Variants in MAP2K3 observed in about 807,000 individuals in gnomAD.
MAP2K3 encodes mitogen-activated protein kinase kinase 3, also known as dual specificity mitogen-activated protein kinase kinase 3.
A neutral mutation model predicts 46.4 loss-of-function variants in MAP2K3; 30 were observed. That is an observed-to-expected ratio of 0.65 (90% CI 0.48 to 0.88). MAP2K3 has a LOEUF of 0.88. Among genes scored for constraint, MAP2K3 ranks in the 40% least tolerant of loss-of-function variants. MAP2K3 has a pLI of 0.00. For missense variants in MAP2K3, 380 were observed against 464.5 expected (o/e 0.82, Z 1.67); for synonymous variants, 189 against 176.3 (o/e 1.07, Z -0.57).
chr17:21,293,367 C>T (rs1468825569), intron 1 of MAP2K3, among the ~76,000 whole-genome samples: 1 of 152,310 alleles, frequency 6.6e-6, no homozygotes, highest in African/African-American at 2.4e-5. Flanking sequence ...ACGTCCTTCC[C>T]TCCAAAGCAC....
chr17:21,294,217 T>TCCTAGC (rs3035504), intron 1 of MAP2K3, among the ~76,000 whole-genome samples: 3 of 152,424 alleles, frequency 2.0e-5, no homozygotes, highest in Non-Finnish European at 2.9e-5. Flanking sequence ...CTCTTGCTGC[T>TCCTAGC]CACATCTCCC....
At chr17:21,300,839 C>T (rs755434893) in intron 4 of MAP2K3, 35 bp from the exon 5 acceptor site, 1 of 1,613,774 alleles carries the variant, frequency 6.2e-7, no homozygotes, top group Non-Finnish European at 8.5e-7. Context: ...TGGCCTCTGC[C>T]ACGGCAACCT....
rs1238755999 is a variant in MAP2K3, at chr17:21,295,968, G to C, written c.50-2445G>C. 103 of 1,258,598 alleles carry C rather than the reference G, an allele frequency of 8.2e-5. No homozygotes were observed. The East Asian group carries it at 5.4e-3, about 66-fold the overall frequency. 78.0% of individuals were successfully genotyped at this position (1,258,598 alleles called of 1,614,324 possible). A position where few individuals can be genotyped will look rare whatever the true frequency, so the allele number is the denominator to read the frequency against. ...GGTCAAGGCCCAGGGTCTCTGTGCA[G>C]AGCTTTAATTTTTAACAGAAAATAT... is the stretch of plus-strand genomic sequence containing the variant. On this transcript the variant is annotated intron_variant, in intron 1 of 11. Coordinates refer to ENST00000342679, the MANE Select transcript of MAP2K3 (RefSeq NM_145109.3).
At chr17:21,297,244 G>A (rs111852531) in intron 1 of MAP2K3, among the ~76,000 whole-genome samples, 314 of 152,302 alleles carry the variant, frequency 2.1e-3, no homozygotes, top group Non-Finnish European at 3.2e-3. Context: ...ATCTGAACCT[G>A]GCTTGGAGGC....
chr17:21,296,812 A>G (rs537711819), intron 1 of MAP2K3, among the ~76,000 whole-genome samples: 889 of 152,012 alleles, frequency 5.8e-3, no homozygotes, highest in African/African-American at 0.021. Context: ...TTAAAATGAG[A>G]TAAAAACGCT....
intron 1 of MAP2K3, chr17:21,291,805 G>T (rs1483690547): frequency 5.6e-6 from 2 of 357,694 alleles, no homozygotes; most frequent in Non-Finnish European, 1.1e-5. Flanking sequence ...GGCCTGGTGG[G>T]ATAGTGACCT....
chr17:21,300,674 A>T lies in MAP2K3; in HGVS notation c.279+16A>T. ...GGCCGTGAAGGTGAGCAGGGCCTGG[A>T]GGCAGCTGGGAGGGCTCCCTGGAGG... On this transcript the variant is annotated intron_variant, in intron 4 of 11. Coordinates refer to ENST00000342679, the MANE Select transcript of MAP2K3 (RefSeq NM_145109.3). The T allele has an allele frequency of 1.9e-6, 3 of 1,603,582 alleles. No homozygotes were observed. The highest frequency in any genetic ancestry group is 2.6e-6 in the Non-Finnish European group (3 of 1,174,698).
In MAP2K3 at chr17:21,284,941, C is replaced by G. The variant is rs764298409; in HGVS notation, c.21C>G (p.Ser7Arg). The G allele has an allele frequency of 3.1e-6, 5 of 1,612,208 alleles. No individual in the cohort carries two copies. Among genetic ancestry groups the G allele is most frequent in the Middle Eastern group, 1.7e-4 (1 of 6,060 alleles). The change falls in exon 1 of 12, where the codon AGC becomes AGG. Residue 7 changes from serine to arginine, a missense_variant. Around this residue, in one of 5 missense-constraint regions of MAP2K3, gnomAD observed 294 missense variants for 275.4 expected, o/e 1.07. Coordinates refer to ENST00000342679, the MANE Select transcript of MAP2K3 (RefSeq NM_145109.3). ...GCAGCATGGAGTCGCCCGCCTCGAG[C>G]CAGCCCGCCAGCATGCCCCAGTCCA... The part of the protein sequence containing the change: MESPAS[S>R]QPASMPQSKG...
intron 9 of MAP2K3, among the ~76,000 whole-genome samples, chr17:21,306,550 A>G (rs1400726894): frequency 6.6e-6 from 1 of 152,280 alleles, no homozygotes; most frequent in Non-Finnish European, 1.5e-5. Context: ...GCAGTGGCAC[A>G]ATCTTAGCTC....
chr17:21,295,332 G>A (rs1019019111), intron 1 of MAP2K3, among the ~76,000 whole-genome samples: 6 of 152,308 alleles, frequency 3.9e-5, no homozygotes, highest in Non-Finnish European at 8.8e-5. Context: ...CTGAATTCTG[G>A]TCAGTTTCAG....
chr17:21,298,367 T>TCC (rs1976384809), intron 1 of MAP2K3, 46 bp from the exon 2 acceptor site: 1 of 1,613,212 alleles, frequency 6.2e-7, no homozygotes, highest in South Asian at 1.1e-5. Context: ...CAGGGGACAT[T>TCC]GATGTCAAGG....
chr17:21,291,117 G>T (rs939306949), intron 1 of MAP2K3, among the ~76,000 whole-genome samples: 3 of 152,308 alleles, frequency 2.0e-5, no homozygotes, highest in Admixed American at 1.3e-4. Context: ...GGTGGCAGGT[G>T]TCTGTAGTCC....
chr17:21,303,667 G>A (rs1976730010), intron 7 of MAP2K3, among the ~76,000 whole-genome samples: 1 of 152,312 alleles, frequency 6.6e-6, no homozygotes, highest in Admixed American at 6.5e-5. Flanking sequence ...ACAGTGGGTT[G>A]GTTTCGCCCT....
At position 21,302,123 on chromosome 17, in the gene MAP2K3, G is replaced by A. The variant is rs543955494; in HGVS notation, c.400-20G>A. 1.2e-6 allele frequency: 2 copies of A among 1,613,674 alleles called. No homozygotes were observed. The highest frequency in any genetic ancestry group is 1.3e-5 in the African/African-American group (1 of 75,068). On this transcript the variant is annotated intron_variant, in intron 5 of 11. Transcript: ENST00000342679. ...ACGGGCAGCCCGGCAGCCTGGCTGA[G>A]CTCTGGGTGTCACCCACAGGGAGAC...
chr17:21,291,024 T>G (rs75767959), intron 1 of MAP2K3, among the ~76,000 whole-genome samples: 1 of 152,276 alleles, frequency 6.6e-6, no homozygotes. Flanking sequence ...GGGTGGATCA[T>G]GAGGTCAGGA....
intron 1 of MAP2K3, among the ~76,000 whole-genome samples, chr17:21,287,207 C>T (rs1975746689): frequency 6.6e-6 from 1 of 152,242 alleles, no homozygotes; most frequent in South Asian, 2.1e-4. Context: ...GGCCTGTCCT[C>T]ATGGCCACGT....
At chr17:21,288,550 G>A (rs940557747) in intron 1 of MAP2K3, among the ~76,000 whole-genome samples, 2 of 152,222 alleles carry the variant, frequency 1.3e-5, no homozygotes, top group Non-Finnish European at 2.9e-5. Flanking sequence ...TGACTGCCTG[G>A]GTCCAAACCC....
chr17:21,287,818 C>G (rs1027856176), intron 1 of MAP2K3, among the ~76,000 whole-genome samples: 2 of 152,272 alleles, frequency 1.3e-5, no homozygotes, highest in Non-Finnish European at 2.9e-5. Context: ...AATCTTCACA[C>G]AGCTTGGACT....
At position 21,314,259 on chromosome 17, in the gene MAP2K3, C is replaced by T; in HGVS notation, c.*29C>T. On this transcript the variant is annotated 3_prime_UTR_variant, in exon 12 of 12. Coordinates refer to ENST00000342679, the MANE Select transcript of MAP2K3 (RefSeq NM_145109.3). Reference sequence around the variant, plus strand: ...CTGGGCCTCGGACCCCACTCCGGCCCTCCAGAGCCCCACAGCCCCATCTGC... The same window carrying T: ...CTGGGCCTCGGACCCCACTCCGGCCTTCCAGAGCCCCACAGCCCCATCTGC... 1.3e-6 allele frequency: 2 copies of T among 1,585,732 alleles called. No homozygotes were observed. The highest frequency in any genetic ancestry group is 1.7e-6 in the Non-Finnish European group (2 of 1,155,132).
Sources: allele counts gnomAD v4.1 joint callset (sites outside exome capture counted in the v4.1 genomes callset), GRCh38; gene constraint gnomAD v4.1.1; regional missense constraint gnomAD v4.1.1; transcripts MANE v1.5; gene names NCBI Gene and HGNC (gene_info 2026-07-23, HGNC 2026-07-21).